Variants in ARK2N observed in about 807,000 individuals in gnomAD.
The protein encoded by ARK2N is arkadia (RNF111) N-terminal like PKA signaling regulator 2N, also known as protein ARK2N.
the ARK2N span, among the ~76,000 whole-genome samples, chr18:46,212,559 G>C: frequency 1.3e-5 from 2 of 152,012 alleles, no homozygotes; most frequent in East Asian, 3.9e-4. Flanking sequence ...AACATACCAT[G>C]ATGAGCTAAC....
At chr18:46,186,382 G>C in the ARK2N span, among the ~76,000 whole-genome samples, 1 of 151,714 alleles carries the variant, frequency 6.6e-6, no homozygotes, top group Admixed American at 6.6e-5. Flanking sequence ...TTTTAGTAGA[G>C]ATTGGGTTTC....
At chr18:46,248,019 T>A in the ARK2N span, among the ~76,000 whole-genome samples, 1 of 152,184 alleles carries the variant, frequency 6.6e-6, no homozygotes, top group Non-Finnish European at 1.5e-5. Flanking sequence ...AGGTGGTTTT[T>A]CACATAAATA....
chr18:46,200,595 C>A, the ARK2N span, among the ~76,000 whole-genome samples: 5 of 152,224 alleles, frequency 3.3e-5, no homozygotes, highest in African/African-American at 1.2e-4. Context: ...TGTGAGCCAC[C>A]GCACCTGGCC....
At chr18:46,209,310 C>G in the ARK2N span, among the ~76,000 whole-genome samples, 1 of 115,832 alleles carries the variant, frequency 8.6e-6, no homozygotes, top group Non-Finnish European at 1.8e-5. Flanking sequence ...TTTTTTTTTA[C>G]AAACCCCCAA....
At chr18:46,237,028 A>G in the ARK2N span, among the ~76,000 whole-genome samples, 1 of 151,850 alleles carries the variant, frequency 6.6e-6, no homozygotes, top group Non-Finnish European at 1.5e-5. Context: ...ACACCCGGCT[A>G]ATTTTTGTAA....
chr18:46,210,233 A>T, the ARK2N span, among the ~76,000 whole-genome samples: 2 of 152,168 alleles, frequency 1.3e-5, no homozygotes, highest in Non-Finnish European at 2.9e-5. Context: ...GTGACAGCGG[A>T]TATGGAGAAT....
At chr18:46,182,045 G>T in the ARK2N span, among the ~76,000 whole-genome samples, 1 of 152,332 alleles carries the variant, frequency 6.6e-6, no homozygotes, top group East Asian at 1.9e-4. Flanking sequence ...TCTGCATTTT[G>T]TTAGGTGCCT....
At chr18:46,221,555 T>TAAA in the ARK2N span, among the ~76,000 whole-genome samples, 1,394 of 133,140 alleles carry the variant, frequency 0.01, 32 homozygotes, top group African/African-American at 0.033. Flanking sequence ...AAGACTCCAT[T>TAAA]AAAAAAAAAA....
At chr18:46,184,313 G>A in the ARK2N span, among the ~76,000 whole-genome samples, 5 of 152,204 alleles carry the variant, frequency 3.3e-5, no homozygotes, top group Admixed American at 6.5e-5. Context: ...TAATAGAGAC[G>A]GGGTTTCAGC....
At chr18:46,255,445 C>CTTTTTTTTTTTTTTTTTTTTTTT in the ARK2N span, among the ~76,000 whole-genome samples, 4 of 77,736 alleles carry the variant, frequency 5.1e-5, no homozygotes, top group Non-Finnish European at 6.7e-5. Context: ...CTTTTCTTTT[C>CTTTTTTTTTTTTTTTTTTTTTTT]TTTTTTTTTT....
At chr18:46,228,936 A>T in the ARK2N span, 2 of 396,612 alleles carry the variant, frequency 5.0e-6, no homozygotes, top group Non-Finnish European at 8.9e-6. Context: ...GGTGTTGAAC[A>T]CTAATAATTT....
the ARK2N span, among the ~76,000 whole-genome samples, chr18:46,175,970 T>C: frequency 6.6e-6 from 1 of 151,932 alleles, no homozygotes; most frequent in Non-Finnish European, 1.5e-5. Flanking sequence ...AGAGTAACTG[T>C]CATAATACTC....
the ARK2N span, chr18:46,215,851 C>G: frequency 6.3e-7 from 1 of 1,590,860 alleles, no homozygotes. Flanking sequence ...TTCCTAGACT[C>G]TACTCCATGA....
chr18:46,245,462 T>G, the ARK2N span, among the ~76,000 whole-genome samples: 1 of 151,650 alleles, frequency 6.6e-6, no homozygotes. Context: ...TCGCAGCTAC[T>G]TGGGAGGCTG....
the ARK2N span, among the ~76,000 whole-genome samples, chr18:46,228,519 G>A: frequency 3.5e-4 from 54 of 152,256 alleles, no homozygotes; most frequent in African/African-American, 1.3e-3. Flanking sequence ...TCAGGCAAGA[G>A]CTCTGTAGAT....
At chr18:46,259,021 A>G in the ARK2N span, among the ~76,000 whole-genome samples, 3 of 148,492 alleles carry the variant, frequency 2.0e-5, no homozygotes, top group African/African-American at 7.7e-5. Flanking sequence ...CTCTGTAGTT[A>G]AAAAAAAATG....
chr18:46,241,352 G>C, the ARK2N span, among the ~76,000 whole-genome samples: 5 of 152,084 alleles, frequency 3.3e-5, no homozygotes, highest in African/African-American at 4.8e-5. Context: ...GTTTTTATAT[G>C]TATAAATCCT....
At chr18:46,186,470 A>G in the ARK2N span, among the ~76,000 whole-genome samples, 1 of 147,418 alleles carries the variant, frequency 6.8e-6, no homozygotes, top group Non-Finnish European at 1.5e-5. Context: ...GTGGGATTAC[A>G]GGAGTGAGCC....
chr18:46,186,987 T>G, the ARK2N span, among the ~76,000 whole-genome samples: 1 of 151,560 alleles, frequency 6.6e-6, no homozygotes, highest in South Asian at 2.1e-4. Context: ...CCCGAGTTGC[T>G]GGGATTACAG....
Sources: gnomAD v4.1 joint callset for allele counts (sites outside exome capture counted in the v4.1 genomes callset) on GRCh38, gnomAD v4.1.1 for gene constraint, MANE v1.5 for transcripts, NCBI Gene and HGNC (gene_info 2026-07-23, HGNC 2026-07-21) for gene names.